CCDC7: variants seen among roughly 807,000 people sequenced by gnomAD.
CCDC7 encodes coiled-coil domain containing 7, also known as coiled-coil domain-containing protein 7.
In CCDC7, 183 loss-of-function variants were observed where a neutral mutation model predicts 196.9. That is an observed-to-expected ratio of 0.93 (90% CI 0.82 to 1.05). The LOEUF (loss-of-function observed/expected upper bound fraction) is 1.05, where lower values mean the gene tolerates loss of function less well. Among genes scored for constraint, CCDC7 ranks in the 50% least tolerant of loss-of-function variants. The pLI, the probability that CCDC7 is intolerant of heterozygous loss-of-function variation, is 0.00. For synonymous variants in CCDC7, 525 were observed against 484.6 expected (o/e 1.08, Z -1.10); for missense variants, 1,540 against 1,482.2 (o/e 1.04, Z -0.64).
At chr10:32,806,380 C>CA (rs994861768) in intron 30 of CCDC7, among the ~76,000 whole-genome samples, 7 of 151,418 alleles carry the variant, frequency 4.6e-5, no homozygotes, top group Admixed American at 1.3e-4. Flanking sequence ...GAAGAGCAGG[C>CA]AAAAAAACAG....
chr10:32,845,210 C>T (rs1448308650), intron 33 of CCDC7, 33 bp from the exon 35 acceptor site: 10 of 1,341,886 alleles, frequency 7.5e-6, no homozygotes, highest in Admixed American at 4.5e-5. Flanking sequence ...GTTTACCTTT[C>T]AAAATATATT....
intron 20 of CCDC7, among the ~76,000 whole-genome samples, chr10:32,646,031 A>G (rs2095435): frequency 0.15 from 21,486 of 142,406 alleles, 1,875 homozygotes; most frequent in African/African-American, 0.26. Context: ...TTTTTTGTTT[A>G]TTTCTGCTCT....
rs535920044 is a variant in CCDC7, at chr10:32,868,573, C to CT, written c.4112-7765dup. On this transcript the variant is annotated intron_variant, in intron 41 of 41. Transcript: ENST00000639629. ...TTTTAGCATTTATCAGCACATTATT[C>CT]TTTTTTTTTAATACTTTAAGTTCTA... 3.8e-4 allele frequency among the ~76,000 whole-genome samples: 57 copies of CT among 150,890 alleles called. No homozygotes were observed. The South Asian group carries it at 6.9e-3, about 18-fold the overall frequency.
chr10:32,782,577 T>G (rs2081237694), intron 29 of CCDC7, among the ~76,000 whole-genome samples: 1 of 152,202 alleles, frequency 6.6e-6, no homozygotes, highest in Non-Finnish European at 1.5e-5. Flanking sequence ...GATCTACACC[T>G]TCAATGCAAT....
At chr10:32,726,749 C>G (rs1284535700) in exon 26 of CCDC7, 5 of 1,591,150 alleles carry the variant, frequency 3.1e-6, no homozygotes, top group Non-Finnish European at 2.6e-6. Context: ...GATAAAAATT[C>G]TATGTTTGTT....
At chr10:32,448,384 G>A (rs2032030354), upstream of CCDC7, among the ~76,000 whole-genome samples, 1 of 151,754 alleles carries the variant, frequency 6.6e-6, no homozygotes, top group Non-Finnish European at 1.5e-5. Context: ...TCATCTACTT[G>A]TTAAAATCCT....
chr10:32,697,520 A>G (rs1174265875), intron 24 of CCDC7, among the ~76,000 whole-genome samples: 1 of 152,198 alleles, frequency 6.6e-6, no homozygotes, highest in Non-Finnish European at 1.5e-5. Flanking sequence ...CCAGGAGATT[A>G]TATCCTGCGC....
intron 33 of CCDC7, among the ~76,000 whole-genome samples, chr10:32,837,710 T>A (rs1055773799): frequency 9.2e-5 from 14 of 151,598 alleles, no homozygotes; most frequent in African/African-American, 3.4e-4. Context: ...ATTAAGAAAA[T>A]GTGGCACATA....
At chr10:32,495,786 T>C (rs2042826023) in intron 9 of CCDC7, among the ~76,000 whole-genome samples, 1 of 152,210 alleles carries the variant, frequency 6.6e-6, no homozygotes, top group African/African-American at 2.4e-5. Flanking sequence ...GCTGTTTTGG[T>C]TACTGTAGCC....
At chr10:32,831,779 T>C (rs913923973) in intron 32 of CCDC7, among the ~76,000 whole-genome samples, 3 of 152,144 alleles carry the variant, frequency 2.0e-5, no homozygotes, top group African/African-American at 7.2e-5. Context: ...AACGATGCCT[T>C]CTTCTGGAAT....
intron 11 of CCDC7, among the ~76,000 whole-genome samples, chr10:32,540,905 G>A (rs1196298263): frequency 1.3e-5 from 2 of 152,100 alleles, no homozygotes; most frequent in Non-Finnish European, 2.9e-5. Flanking sequence ...TCCCGGATTT[G>A]AATGTTGTCC....
At chr10:32,833,353 TAAA>T (rs71185223) in intron 32 of CCDC7, among the ~76,000 whole-genome samples, 22,239 of 149,938 alleles carry the variant, frequency 0.15, 1,816 homozygotes, top group East Asian at 0.22. Flanking sequence ...ACCCTTTTTT[TAAA>T]AAAAAAAAAA....
At chr10:32,604,510 T>C (rs1216018271) in intron 18 of CCDC7, among the ~76,000 whole-genome samples, 2 of 152,136 alleles carry the variant, frequency 1.3e-5, no homozygotes, top group African/African-American at 4.8e-5. Flanking sequence ...TAGTTTGCTT[T>C]AGGTAGTATC....
intron 24 of CCDC7, among the ~76,000 whole-genome samples, chr10:32,710,995 T>C (rs1001620282): frequency 5.9e-5 from 9 of 152,140 alleles, no homozygotes; most frequent in Non-Finnish European, 8.8e-5. Flanking sequence ...TCAGCATAGA[T>C]GGGAGGGTAA....
At chr10:32,682,369 G>A (rs1337967026) in intron 21 of CCDC7, among the ~76,000 whole-genome samples, 7 of 152,140 alleles carry the variant, frequency 4.6e-5, no homozygotes, top group Non-Finnish European at 1.5e-5. Flanking sequence ...TGGTGTACAT[G>A]TACCACATTT....
At chr10:32,827,554 G>A (rs928495948) in intron 32 of CCDC7, among the ~76,000 whole-genome samples, 3 of 151,690 alleles carry the variant, frequency 2.0e-5, no homozygotes, top group East Asian at 1.9e-4. Context: ...AAAGAAGTGC[G>A]GCAGTAGCGT....
intron 8 of CCDC7, among the ~76,000 whole-genome samples, chr10:32,487,316 T>C (rs2041314523): frequency 6.6e-6 from 1 of 152,228 alleles, no homozygotes; most frequent in Non-Finnish European, 1.5e-5. Flanking sequence ...GTAGTTCTCG[T>C]GCCTTAGTTT....
At chr10:32,572,206 A>G (rs2057660274) in intron 16 of CCDC7, among the ~76,000 whole-genome samples, 1 of 152,188 alleles carries the variant, frequency 6.6e-6, no homozygotes, top group African/African-American at 2.4e-5. Flanking sequence ...GTTATCATCA[A>G]GATGCATGAG....
chr10:32,866,639 G>A (rs184764692), intron 41 of CCDC7, among the ~76,000 whole-genome samples: 142 of 151,282 alleles, frequency 9.4e-4, no homozygotes, highest in African/African-American at 3.2e-3. Context: ...GGTGAGGAAA[G>A]GAGAGAAAAA....
Sources: gnomAD v4.1 joint callset for allele counts (sites outside exome capture counted in the v4.1 genomes callset) on GRCh38, gnomAD v4.1.1 for gene constraint, MANE v1.5 for transcripts, NCBI Gene and HGNC (gene_info 2026-07-23, HGNC 2026-07-21) for gene names.